The following NRXN1 variants were observed in gnomAD, a reference collection of about 807,000 sequenced individuals.
NRXN1 encodes the protein neurexin-1.
A neutral mutation model predicts 150.9 loss-of-function variants in NRXN1; 39 were observed. The ratio of observed to expected loss-of-function variants is 0.26; its 90% confidence interval spans 0.20 to 0.34. NRXN1 has a LOEUF of 0.34. Among genes scored for constraint, NRXN1 ranks in the 10% least tolerant of loss-of-function variants. The pLI is 1.00. For synonymous variants in NRXN1, 924 were observed against 757.0 expected, an observed-to-expected ratio of 1.22 and a Z score of -3.62; for missense variants, 1,815 against 1,949.9, an observed-to-expected ratio of 0.93 and a Z score of 1.30.
At chr2:50,974,559 T>A (rs1371610039) in intron 2 of NRXN1, among the ~76,000 whole-genome samples, 1 of 152,134 alleles carries the variant, frequency 6.6e-6, no homozygotes, top group Non-Finnish European at 1.5e-5. Flanking sequence ...AACAGTCAGA[T>A]TTTTAGTCTC....
intron 17 of NRXN1, among the ~76,000 whole-genome samples, chr2:50,415,381 C>T (rs1470119100): frequency 1.3e-5 from 2 of 152,056 alleles, no homozygotes; most frequent in East Asian, 3.9e-4. Flanking sequence ...ATAATTTAAT[C>T]ATTGTATTTT....
At chr2:51,015,353 G>A (rs999118445) in intron 2 of NRXN1, among the ~76,000 whole-genome samples, 1 of 151,946 alleles carries the variant, frequency 6.6e-6, no homozygotes, top group Non-Finnish European at 1.5e-5. Context: ...CACCTCCTAT[G>A]GGCAGAAGAC....
intron 17 of NRXN1, among the ~76,000 whole-genome samples, chr2:50,284,656 C>T (rs1298818641): frequency 6.6e-6 from 1 of 152,164 alleles, no homozygotes; most frequent in Non-Finnish European, 1.5e-5. Context: ...ATTCTAGCCT[C>T]CTCCCACTCT....
chr2:50,382,318 A>C (rs1490430468), intron 17 of NRXN1, among the ~76,000 whole-genome samples: 1 of 152,200 alleles, frequency 6.6e-6, no homozygotes, highest in East Asian at 1.9e-4. Context: ...ATTTGGAAAT[A>C]AGAATAGTCT....
chr2:50,712,997 C>A (rs940581105), intron 5 of NRXN1, among the ~76,000 whole-genome samples: 1 of 152,128 alleles, frequency 6.6e-6, no homozygotes, highest in Non-Finnish European at 1.5e-5. Context: ...ATCTTTTGTG[C>A]TTGTATATCT....
intron 5 of NRXN1, among the ~76,000 whole-genome samples, chr2:50,902,216 G>A (rs1426910828): frequency 6.6e-6 from 1 of 151,866 alleles, no homozygotes; most frequent in Non-Finnish European, 1.5e-5. Flanking sequence ...GCAAGACAAA[G>A]AAAATGCATT....
At chr2:50,733,552 G>A (rs1483988657) in intron 5 of NRXN1, among the ~76,000 whole-genome samples, 2 of 152,086 alleles carry the variant, frequency 1.3e-5, no homozygotes, top group Non-Finnish European at 2.9e-5. Flanking sequence ...TGTTTCTTTA[G>A]ATACATAATA....
At chr2:50,376,046 T>TACACAC (rs72262969) in intron 17 of NRXN1, among the ~76,000 whole-genome samples, 31 of 148,734 alleles carry the variant, frequency 2.1e-4, no homozygotes, top group African/African-American at 7.4e-4. Context: ...CATATATATA[T>TACACAC]ACACACACAC....
intron 17 of NRXN1, among the ~76,000 whole-genome samples, chr2:50,319,168 T>C (rs1468732844): frequency 6.6e-6 from 1 of 152,142 alleles, no homozygotes; most frequent in East Asian, 1.9e-4. Context: ...GGAATAATAA[T>C]GACTCTAGTT....
At chr2:50,767,815 T>G (rs942452165) in intron 5 of NRXN1, among the ~76,000 whole-genome samples, 1 of 152,096 alleles carries the variant, frequency 6.6e-6, no homozygotes, top group African/African-American at 2.4e-5. Context: ...CATTATTAAT[T>G]ATTTTTTAAA....
chr2:50,367,186 G>C (rs112475298), intron 17 of NRXN1, among the ~76,000 whole-genome samples: 1 of 151,878 alleles, frequency 6.6e-6, no homozygotes, highest in Non-Finnish European at 1.5e-5. Flanking sequence ...GGCTATCCTC[G>C]TCTCTTGAAC....
intron 5 of NRXN1, among the ~76,000 whole-genome samples, chr2:50,876,078 C>G (rs1678549443): frequency 6.6e-6 from 1 of 151,828 alleles, no homozygotes; most frequent in Non-Finnish European, 1.5e-5. Flanking sequence ...GCAAGGCTAA[C>G]TACTCTTTTT....
chr2:50,743,425 A>C (rs1275654267), intron 5 of NRXN1, among the ~76,000 whole-genome samples: 1 of 152,164 alleles, frequency 6.6e-6, no homozygotes, highest in African/African-American at 2.4e-5. Flanking sequence ...CAAATGAGAC[A>C]ATTTTGTGCC....
Position 50,019,782 on chromosome 2 carries a change from T to C in NRXN1, c.4128+33489A>G, listed in dbSNP as rs548315196. On this transcript the variant is annotated intron_variant, in intron 21 of 22. Coordinates refer to ENST00000401669, the MANE Select transcript of NRXN1 (RefSeq NM_001330078.2). ...TAACACGGTGAAACCCCGTCTCTAC[T>C]AAAAAAATACAAAAAATTAGCTGGG... Among the ~76,000 whole-genome samples the C allele has an allele frequency of 2.4e-3, 361 of 148,292 alleles. 4 individuals are homozygous for C. The highest frequency in any genetic ancestry group is 8.5e-3 in the African/African-American group (343 of 40,422).
chr2:50,773,030 G>A (rs1703195130), intron 5 of NRXN1, among the ~76,000 whole-genome samples: 1 of 152,122 alleles, frequency 6.6e-6, no homozygotes, highest in Non-Finnish European at 1.5e-5. Flanking sequence ...TTGCTAAAAT[G>A]TTATTAATGA....
rs2093091793 is a variant in NRXN1, at chr2:50,531,163, T to C, written c.2347+64A>G. On this transcript the variant is annotated intron_variant, in intron 11 of 22. Transcript: ENST00000401669. ...TGGCAAACAGGCTACTTGATCAATGTTTGCAGGCAAATTGAACAAAAAGTA... is the reference window on the plus strand; with the variant it reads ...TGGCAAACAGGCTACTTGATCAATGCTTGCAGGCAAATTGAACAAAAAGTA... 9 of 1,216,344 alleles carry C rather than the reference T, an allele frequency of 7.4e-6. 1 individual carries two copies. In the Admixed American group the frequency reaches 2.1e-4, roughly 29 times the overall value. The allele number at this position is 1,216,344 out of a possible 1,614,324, so 75.3% of individuals were successfully genotyped here. A position where few individuals can be genotyped will look rare whatever the true frequency, so the allele number is the denominator to read the frequency against.
intron 17 of NRXN1, among the ~76,000 whole-genome samples, chr2:50,437,896 C>G (rs942217503): frequency 6.6e-6 from 1 of 152,164 alleles, no homozygotes. Context: ...CATTCTATAA[C>G]AATCATCAAA....
chr2:51,025,249 A>G (rs1220011491), intron 2 of NRXN1, among the ~76,000 whole-genome samples: 1 of 152,138 alleles, frequency 6.6e-6, no homozygotes. Flanking sequence ...TGGATTTGCT[A>G]TTCTGAGTTG....
At position 50,346,714 on chromosome 2, in the gene NRXN1, G is replaced by A; in HGVS notation, c.3365-109744C>T. 2.5e-6 allele frequency: 4 copies of A among 1,613,722 alleles called. No homozygotes were observed. Among genetic ancestry groups the A allele is most frequent in the Non-Finnish European group, 3.4e-6 (4 of 1,179,806 alleles). ...ACCGTGTCCGCCTCGCAAGGATGCCGGTGACCTGTAGATTGCAATAGGCAC... is the reference window on the plus strand; with the variant it reads ...ACCGTGTCCGCCTCGCAAGGATGCCAGTGACCTGTAGATTGCAATAGGCAC... On this transcript the variant is annotated intron_variant, in intron 17 of 22. Transcript: ENST00000401669. This position sits in a 1 kb window ranked among gnomAD's most constrained non-coding sequence, Gnocchi z 5.0.
Sources: allele counts gnomAD v4.1 joint callset (sites outside exome capture counted in the v4.1 genomes callset), GRCh38; gene constraint gnomAD v4.1.1; non-coding constraint Gnocchi (gnomAD v3.1); transcripts MANE v1.5; gene names NCBI Gene and HGNC (gene_info 2026-07-23, HGNC 2026-07-21).